SSBP3: variants seen among roughly 807,000 people sequenced by gnomAD.
SSBP3 encodes single-stranded DNA-binding protein 3.
SSBP3 carries 5 observed loss-of-function variants against 69.6 expected under a neutral mutation model. The observed-to-expected ratio is 0.07, with a 90% CI of 0.04 to 0.15. The LOEUF (loss-of-function observed/expected upper bound fraction) is 0.15, where lower values mean the gene tolerates loss of function less well. Among genes scored for constraint, SSBP3 ranks in the 10% least tolerant of loss-of-function variants. SSBP3 has a pLI of 1.00. For missense variants in SSBP3, 312 were observed against 534.0 expected, an observed-to-expected ratio of 0.58 and a Z score of 4.10; for synonymous variants, 196 against 193.4, an observed-to-expected ratio of 1.01 and a Z score of -0.11.
chr1:54,406,595 A>C (rs906528279), upstream of SSBP3, among the ~76,000 whole-genome samples: 5 of 151,748 alleles, frequency 3.3e-5, no homozygotes, highest in South Asian at 8.3e-4. Flanking sequence ...CTGCAGGCGA[A>C]CTGGGGGCGT....
chr1:54,258,474 G>A lies in SSBP3; in HGVS notation c.367-325C>T, dbSNP rs570367850. Among the ~76,000 whole-genome samples the A allele has an allele frequency of 2.0e-5, 3 of 152,352 alleles. No homozygotes were observed. The highest frequency in any genetic ancestry group is 2.1e-4 in the South Asian group (1 of 4,826). On this transcript the variant is annotated intron_variant, in intron 5 of 17. Coordinates refer to ENST00000610401, the Ensembl canonical transcript of SSBP3. This position sits in a 1 kb window ranked among gnomAD's most constrained non-coding sequence, Gnocchi z 4.5. ...GAGCGGAGTTTGCCATGTTAAATACGTTGGTTGAGACGGGCTCAGAGGGAG... is the reference window on the plus strand; with the variant it reads ...GAGCGGAGTTTGCCATGTTAAATACATTGGTTGAGACGGGCTCAGAGGGAG...
chr1:54,289,026 A>AAAAAAC (rs1645548623), intron 4 of SSBP3, among the ~76,000 whole-genome samples: 1 of 76,520 alleles, frequency 1.3e-5, no homozygotes, highest in South Asian at 3.7e-4. Flanking sequence ...TCTCCAAAAA[A>AAAAAAC]AAAAAAAAAA....
At chr1:54,324,055 T>G (rs1375332951) in intron 4 of SSBP3, among the ~76,000 whole-genome samples, 1 of 152,222 alleles carries the variant, frequency 6.6e-6, no homozygotes, top group Admixed American at 6.5e-5. Context: ...CCCCATTTTA[T>G]AGGTGCGGAA....
chr1:54,349,544 A>G (rs962490338), intron 4 of SSBP3, among the ~76,000 whole-genome samples: 1 of 152,174 alleles, frequency 6.6e-6, no homozygotes, highest in African/African-American at 2.4e-5. Flanking sequence ...AATGAAGCCA[A>G]AATCAAAGAG....
At chr1:54,240,662 G>A (rs1420320410) in intron 13 of SSBP3, among the ~76,000 whole-genome samples, 1 of 152,070 alleles carries the variant, frequency 6.6e-6, no homozygotes, top group African/African-American at 2.4e-5. Context: ...GGATTCAAAG[G>A]CAACGAGAAT....
At chr1:54,375,009 C>G (rs1395364188) in intron 4 of SSBP3, among the ~76,000 whole-genome samples, 2 of 152,188 alleles carry the variant, frequency 1.3e-5, no homozygotes, top group Non-Finnish European at 2.9e-5. Context: ...GGCTCCCAAT[C>G]TGTAACCTTA....
intron 4 of SSBP3, among the ~76,000 whole-genome samples, chr1:54,397,157 G>T (rs1239368143): frequency 6.6e-6 from 1 of 152,184 alleles, no homozygotes; most frequent in Non-Finnish European, 1.5e-5. Flanking sequence ...AACTTGCCAG[G>T]ACCTCTGGGC....
intron 4 of SSBP3, among the ~76,000 whole-genome samples, chr1:54,316,937 T>C (rs1326386795): frequency 6.6e-6 from 1 of 152,070 alleles, no homozygotes; most frequent in East Asian, 1.9e-4. Context: ...CTTCAGCCTC[T>C]TTTAGGAGGG....
chr1:54,258,276 T>G lies in SSBP3; in HGVS notation c.367-127A>C. 1.2e-5 allele frequency: 7 copies of G among 603,498 alleles called. No individual in the cohort carries two copies. Among genetic ancestry groups the G allele is most frequent in the Admixed American group, 4.0e-5 (1 of 24,998 alleles). 37.4% of individuals were successfully genotyped at this position (603,498 alleles called of 1,614,324 possible). ...GGCGGGCGTGCGGGGGGGTGGGCTCTGGTTGGTGGGAGGTGGTGGAGCTGC... is the reference window on the plus strand; with the variant it reads ...GGCGGGCGTGCGGGGGGGTGGGCTCGGGTTGGTGGGAGGTGGTGGAGCTGC... On this transcript the variant is annotated intron_variant, in intron 5 of 17. Coordinates refer to ENST00000610401, the Ensembl canonical transcript of SSBP3. The surrounding 1 kb of genome is among the most constrained non-coding windows in gnomAD (Gnocchi z 4.5).
rs567631954 is a variant in SSBP3, at chr1:54,271,551, G to C, written c.366+9887C>G. ...GGTCACTGCCAGGATCACACTGCCAGCCAAGTGCAGGGCCATCGTGCTCCA... is the reference window on the plus strand; with the variant it reads ...GGTCACTGCCAGGATCACACTGCCACCCAAGTGCAGGGCCATCGTGCTCCA... On this transcript the variant is annotated intron_variant, in intron 5 of 17. Transcript: ENST00000610401. Among the ~76,000 whole-genome samples, 3 of 152,332 alleles carry C rather than the reference G, an allele frequency of 2.0e-5. No individual in the cohort carries two copies. In the South Asian group the frequency reaches 6.2e-4, roughly 32 times the overall value.
intron 3 of SSBP3, among the ~76,000 whole-genome samples, chr1:54,403,548 C>T (rs1408658385): frequency 6.6e-6 from 1 of 152,170 alleles, no homozygotes; most frequent in Non-Finnish European, 1.5e-5. Context: ...ACCGGCAGTT[C>T]CGAGGTTGGC....
chr1:54,255,941 G>A lies in SSBP3; in HGVS notation c.507+1186C>T, dbSNP rs1570275500. On this transcript the variant is annotated intron_variant, in intron 7 of 17. Coordinates refer to ENST00000610401, the Ensembl canonical transcript of SSBP3. ...ACAAAAATTAGCCGGGCATGGTGGC[G>A]CACACCTGTAATCCCAGTTACTTGG... Among the ~76,000 whole-genome samples, 3 of 152,136 alleles carry A rather than the reference G, an allele frequency of 2.0e-5. 1 individual carries two copies. In the South Asian group the frequency reaches 6.2e-4, roughly 32 times the overall value.
chr1:54,277,629 T>TAA (rs967769156), intron 5 of SSBP3, among the ~76,000 whole-genome samples: 4 of 152,218 alleles, frequency 2.6e-5, no homozygotes, highest in African/African-American at 9.6e-5. Context: ...GTTGCATGTT[T>TAA]AAAAACACTA....
At chr1:54,235,217 A>G (rs1040084815) in intron 14 of SSBP3, among the ~76,000 whole-genome samples, 9 of 151,154 alleles carry the variant, frequency 6.0e-5, no homozygotes, top group Non-Finnish European at 1.3e-4. Context: ...CTGCTTGTCA[A>G]TCAGGCCTTT....
At chr1:54,365,214 T>C (rs1397413989) in intron 4 of SSBP3, among the ~76,000 whole-genome samples, 3 of 152,288 alleles carry the variant, frequency 2.0e-5, no homozygotes, top group African/African-American at 2.4e-5. Context: ...AGAGGCTCCA[T>C]TGTGCCATGC....
intron 5 of SSBP3, among the ~76,000 whole-genome samples, chr1:54,260,422 C>T (rs1644997447): frequency 6.6e-6 from 1 of 152,218 alleles, no homozygotes; most frequent in Non-Finnish European, 1.5e-5. Context: ...AGGAGGCTGG[C>T]TCACTGACAG....
At chr1:54,303,163 G>A (rs1645834158) in intron 4 of SSBP3, among the ~76,000 whole-genome samples, 1 of 152,236 alleles carries the variant, frequency 6.6e-6, no homozygotes, top group Non-Finnish European at 1.5e-5. Flanking sequence ...GAGCCATGGG[G>A]TGCTGGTGCT....
chr1:54,288,935 G>A lies in SSBP3; in HGVS notation c.277-7408C>T, dbSNP rs564446736. On this transcript the variant is annotated intron_variant, in intron 4 of 17. Coordinates refer to ENST00000610401, the Ensembl canonical transcript of SSBP3. Reference sequence around the variant, plus strand: ...CTCAGGAGGCTGAGGCAGGAGACTCGCGTGAACCCGGGAGGTGGAGCTTGC... The same window carrying A: ...CTCAGGAGGCTGAGGCAGGAGACTCACGTGAACCCGGGAGGTGGAGCTTGC... 4.0e-5 allele frequency among the ~76,000 whole-genome samples: 6 copies of A among 149,726 alleles called. No homozygotes were observed. In the East Asian group the frequency reaches 6.3e-4, roughly 16 times the overall value.
intron 4 of SSBP3, among the ~76,000 whole-genome samples, chr1:54,378,933 C>CA (rs1647404997): frequency 1.3e-5 from 2 of 152,352 alleles, no homozygotes; most frequent in South Asian, 4.1e-4. Context: ...CCCCACCGAA[C>CA]ATTTTCCGAG....
Sources: allele counts gnomAD v4.1 joint callset (sites outside exome capture counted in the v4.1 genomes callset), GRCh38; gene constraint gnomAD v4.1.1; non-coding constraint Gnocchi (gnomAD v3.1); transcripts MANE v1.5; gene names NCBI Gene and HGNC (gene_info 2026-07-23, HGNC 2026-07-21).